CLDN10: variants seen among roughly 807,000 people sequenced by gnomAD.
CLDN10 encodes claudin-10.
In CLDN10, 15 loss-of-function variants were observed where a neutral mutation model predicts 22.9. The observed-to-expected ratio is 0.65, with a 90% CI of 0.44 to 1.01. The LOEUF is 1.01. CLDN10 is among the 50% of genes least tolerant of loss of function. The pLI, the probability that CLDN10 is intolerant of heterozygous loss-of-function variation, is 0.00. For missense variants in CLDN10, 247 were observed against 287.8 expected (o/e 0.86, Z 1.03); for synonymous variants, 114 against 111.4 (o/e 1.02, Z -0.15).
chr13:95,552,699 G>A, upstream of CLDN10: 2 of 1,539,428 alleles, frequency 1.3e-6, no homozygotes, highest in Non-Finnish European at 1.7e-6. Context: ...TTGGGAGTGC[G>A]GGGGTCGCGG....
At chr13:95,563,811 T>C (rs1339060829) in intron 3 of CLDN10, among the ~76,000 whole-genome samples, 1 of 152,220 alleles carries the variant, frequency 6.6e-6, no homozygotes, top group Non-Finnish European at 1.5e-5. Flanking sequence ...ATAAATTAAC[T>C]AATATGACTT....
At chr13:95,487,290 G>A (rs956610918) in intron 1 of CLDN10, among the ~76,000 whole-genome samples, 6 of 152,196 alleles carry the variant, frequency 3.9e-5, no homozygotes, top group Non-Finnish European at 5.9e-5. Flanking sequence ...GGTTACCTAT[G>A]AAGAGAACTT....
At chr13:95,496,253 G>A (rs181550927) in intron 1 of CLDN10, among the ~76,000 whole-genome samples, 4 of 152,304 alleles carry the variant, frequency 2.6e-5, no homozygotes, top group Admixed American at 2.0e-4. Flanking sequence ...TTCACTTCCA[G>A]TAGTACCTTC....
chr13:95,483,185 G>A (rs945759874), intron 1 of CLDN10, among the ~76,000 whole-genome samples: 2 of 151,058 alleles, frequency 1.3e-5, no homozygotes, highest in Non-Finnish European at 3.0e-5. Context: ...GCAGATTCCT[G>A]GAGGATTCAC....
intron 1 of CLDN10, among the ~76,000 whole-genome samples, chr13:95,539,896 T>G (rs1594598120): frequency 6.6e-6 from 1 of 152,252 alleles, no homozygotes; most frequent in Admixed American, 6.5e-5. Flanking sequence ...GGCTCACGCC[T>G]GTAATATCAG....
chr13:95,523,265 G>A (rs1323167555), intron 1 of CLDN10, among the ~76,000 whole-genome samples: 1 of 151,764 alleles, frequency 6.6e-6, no homozygotes, highest in Non-Finnish European at 1.5e-5. Flanking sequence ...ATGCTATATG[G>A]TATTATCACT....
chr13:95,475,465 A>T (rs1350952714), intron 1 of CLDN10, among the ~76,000 whole-genome samples: 2 of 152,188 alleles, frequency 1.3e-5, no homozygotes, highest in African/African-American at 4.8e-5. Context: ...ATTCTCGGAG[A>T]CAGAGAGAGC....
chr13:95,517,408 G>A (rs7334779), intron 1 of CLDN10, among the ~76,000 whole-genome samples: 131,371 of 152,124 alleles, frequency 0.86, 56,916 homozygotes, highest in East Asian at 0.96. Flanking sequence ...GTGCAATCCA[G>A]GAAGGAAAGT....
intron 1 of CLDN10, among the ~76,000 whole-genome samples, chr13:95,522,027 T>C (rs1408066938): frequency 6.6e-6 from 1 of 152,044 alleles, no homozygotes; most frequent in East Asian, 1.9e-4. Context: ...TCTTTCATGA[T>C]ACCATTTGTT....
intron 1 of CLDN10, among the ~76,000 whole-genome samples, chr13:95,470,351 G>T (rs1249377685): frequency 2.0e-5 from 3 of 152,138 alleles, no homozygotes; most frequent in Non-Finnish European, 4.4e-5. Context: ...TGGGCTCAAA[G>T]GACCTCCCAC....
At chr13:95,527,640 G>T (rs2043297666) in intron 1 of CLDN10, among the ~76,000 whole-genome samples, 1 of 152,194 alleles carries the variant, frequency 6.6e-6, no homozygotes, top group East Asian at 1.9e-4. Flanking sequence ...GGAGGCTGAG[G>T]CAGGAGAATC....
At chr13:95,463,071 G>A (rs1341325008) in intron 1 of CLDN10, among the ~76,000 whole-genome samples, 1 of 151,756 alleles carries the variant, frequency 6.6e-6, no homozygotes, top group Non-Finnish European at 1.5e-5. Context: ...TGTCGACAGG[G>A]CAAGCCCTCT....
intron 1 of CLDN10, among the ~76,000 whole-genome samples, chr13:95,523,002 C>G (rs2043238741): frequency 6.6e-6 from 1 of 151,590 alleles, no homozygotes; most frequent in Non-Finnish European, 1.5e-5. Context: ...AAATCTTTGA[C>G]TTTAGTTCTT....
chr13:95,446,159 C>T (rs969094518), intron 1 of CLDN10, among the ~76,000 whole-genome samples: 1 of 152,194 alleles, frequency 6.6e-6, no homozygotes, highest in Non-Finnish European at 1.5e-5. Flanking sequence ...ATGGGACAGG[C>T]TGTCTCACAG....
chr13:95,558,248 G>C (rs1157242166), intron 1 of CLDN10, among the ~76,000 whole-genome samples: 1 of 152,162 alleles, frequency 6.6e-6, no homozygotes, highest in Admixed American at 6.5e-5. Flanking sequence ...GGACTGACAG[G>C]CTTCCCCTCT....
At chr13:95,450,526 T>G (rs1369256674) in intron 1 of CLDN10, among the ~76,000 whole-genome samples, 1 of 152,214 alleles carries the variant, frequency 6.6e-6, no homozygotes, top group East Asian at 1.9e-4. Flanking sequence ...TCGCCAAGCT[T>G]CCTCCTTTTG....
rs1804832 is a variant in CLDN10, at chr13:95,578,171, T to C, written c.*157T>C. 1.3e-5 allele frequency: 7 copies of C among 532,114 alleles called. No homozygotes were observed. Among genetic ancestry groups the C allele is most frequent in the Non-Finnish European group, 2.3e-5 (7 of 297,962 alleles). The allele number at this position is 532,114 out of a possible 1,614,324, so 33.0% of individuals were successfully genotyped here. ...TTGTATGGATGTAAGTGTTCTTACA[T>C]AGTTAGTTATATACTAATCATTTTC... On this transcript the variant is annotated 3_prime_UTR_variant, in exon 5 of 5. Coordinates refer to ENST00000299339, the MANE Select transcript of CLDN10 (RefSeq NM_006984.5).
exon 1 of CLDN10, chr13:95,433,958 G>C (rs1487018586): frequency 4.3e-6 from 7 of 1,614,248 alleles, no homozygotes; most frequent in African/African-American, 1.3e-5. Context: ...ACAGCCACTT[G>C]GGTTTACCAG....
In CLDN10 at chr13:95,434,791, C is replaced by T. The variant is rs143539318; in HGVS notation, c.214+744C>T. Among the ~76,000 whole-genome samples the T allele has an allele frequency of 9.5e-3, 1,437 of 152,046 alleles. 12 individuals are homozygous for T. The highest frequency in any genetic ancestry group is 0.045 in the Middle Eastern group (13 of 292). The stretch of plus-strand genomic sequence containing the variant: ...ATTCCAAAAGGCCTGTAAGGTAATC[C>T]GTATGTCTCCTTACATCTACTTTAT... On this transcript the variant is annotated intron_variant, in intron 1 of 4. Transcript: ENST00000376873.
Sources: gnomAD v4.1 joint callset for allele counts (sites outside exome capture counted in the v4.1 genomes callset) on GRCh38, gnomAD v4.1.1 for gene constraint, MANE v1.5 for transcripts, NCBI Gene and HGNC (gene_info 2026-07-23, HGNC 2026-07-21) for gene names.